LIMD1: variants seen among roughly 807,000 people sequenced by gnomAD.
The protein encoded by LIMD1 is LIM domain containing 1.
A neutral mutation model predicts 58.4 loss-of-function variants in LIMD1; 23 were observed. That is an observed-to-expected ratio of 0.39 (90% CI 0.28 to 0.56). The LOEUF is 0.56. LIMD1 is among the 20% of genes least tolerant of loss of function. LIMD1 has a pLI of 0.57. For missense variants in LIMD1, 838 were observed against 855.5 expected, an observed-to-expected ratio of 0.98 and a Z score of 0.25; for synonymous variants, 334 against 345.5, an observed-to-expected ratio of 0.97 and a Z score of 0.37.
At chr3:45,608,590 A>G (rs1701490341) in intron 1 of LIMD1, among the ~76,000 whole-genome samples, 1 of 152,200 alleles carries the variant, frequency 6.6e-6, no homozygotes, top group Admixed American at 6.5e-5. Context: ...CTATAATCCC[A>G]ACACTTTTGG....
intron 2 of LIMD1, among the ~76,000 whole-genome samples, chr3:45,664,945 C>T (rs945625944): frequency 3.9e-5 from 6 of 152,166 alleles, no homozygotes; most frequent in Admixed American, 6.5e-5. Context: ...TAGGGGATCC[C>T]GGGACACCCT....
intron 1 of LIMD1, among the ~76,000 whole-genome samples, chr3:45,599,650 TAGGTCACCTA>T (rs1320868066): frequency 2.0e-5 from 3 of 152,186 alleles, no homozygotes; most frequent in Non-Finnish European, 2.9e-5. Context: ...GCAATGTGCC[TAGGTCACCTA>T]AGGTCACCTA....
intron 1 of LIMD1, among the ~76,000 whole-genome samples, chr3:45,625,985 A>T (rs1218246544): frequency 1.3e-5 from 2 of 152,218 alleles, no homozygotes; most frequent in African/African-American, 4.8e-5. Flanking sequence ...GGAGACATAC[A>T]CTGCTAACCC....
Position 45,647,076 on chromosome 3 carries a change from A to G in LIMD1, c.1510+10825A>G, listed in dbSNP as rs537999722. Among the ~76,000 whole-genome samples the G allele has an allele frequency of 8.5e-5, 13 of 152,362 alleles. No individual in the cohort carries two copies. The South Asian group carries it at 2.7e-3, about 32-fold the overall frequency. On this transcript the variant is annotated intron_variant, in intron 2 of 7. Coordinates refer to ENST00000273317, the MANE Select transcript of LIMD1 (RefSeq NM_014240.3). ...ATGTAGTCACATTGTCAAAAAATGT[A>G]TATGGGAGAAGAAAATCACCTATAA...
intron 1 of LIMD1, among the ~76,000 whole-genome samples, chr3:45,601,220 G>A (rs1701408587): frequency 6.6e-6 from 1 of 152,214 alleles, no homozygotes; most frequent in Admixed American, 6.5e-5. Flanking sequence ...AATCAGGAGT[G>A]GGTAGAGGAG....
At position 45,672,723 on chromosome 3, in the gene LIMD1, G is replaced by T. The variant is rs770764361; in HGVS notation, c.1675G>T (p.Gly559Cys). The T allele has an allele frequency of 3.7e-6, 6 of 1,613,844 alleles. No individual in the cohort carries two copies. Among genetic ancestry groups the T allele is most frequent in the African/African-American group, 2.7e-5 (2 of 74,870 alleles). ...LQALGKSYHP[G>C]CFRCVICNEC... is the part of the protein sequence containing the mutation. Reference sequence around the variant, plus strand: ...AGCCCTGGGGAAGTCCTACCACCCCGGCTGTTTCCGCTGTGTCATCTGTAA... The same window carrying T: ...AGCCCTGGGGAAGTCCTACCACCCCTGCTGTTTCCGCTGTGTCATCTGTAA... The change falls in exon 5 of 8, where the codon GGC becomes TGC. Residue 559 changes from glycine (G) to cysteine (C), a missense_variant. By Grantham distance (159) the Gly-to-Cys change is radical (BLOSUM62 -3). Coordinates refer to ENST00000273317, the MANE Select transcript of LIMD1 (RefSeq NM_014240.3).
At chr3:45,625,681 C>G (rs555907296) in intron 1 of LIMD1, among the ~76,000 whole-genome samples, 5 of 152,064 alleles carry the variant, frequency 3.3e-5, no homozygotes, top group Non-Finnish European at 1.5e-5. Flanking sequence ...ATATCTGGAG[C>G]GGGTTCCTGG....
intron 2 of LIMD1, among the ~76,000 whole-genome samples, chr3:45,653,011 T>G (rs1701990966): frequency 6.6e-6 from 1 of 152,194 alleles, no homozygotes; most frequent in African/African-American, 2.4e-5. Flanking sequence ...GAGAAAGAGA[T>G]GAGAACGTTT....
At position 45,653,927 on chromosome 3, in the gene LIMD1, GAAAAAGAA is replaced by G. The variant is rs1559523031; in HGVS notation, c.1511-11717_1511-11710del. Among the ~76,000 whole-genome samples, 751 of 106,872 alleles carry G rather than the reference GAAAAAGAA, an allele frequency of 7.0e-3. 6 individuals are homozygous for G. Among genetic ancestry groups the G allele is most frequent in the African/African-American group, 0.024 (713 of 29,140 alleles). The allele number at this position is 106,872 out of a possible 152,430, so 70.1% of individuals were successfully genotyped here. The stretch of plus-strand genomic sequence containing the variant: ...TGTCTCAAAAAAAAAAAAAAAAAAA[GAAAAAGAA>G]AAAAAAAAAAGAACCTATTCTAGAA... On this transcript the variant is annotated intron_variant, in intron 2 of 7. Transcript: ENST00000273317.
intron 1 of LIMD1, among the ~76,000 whole-genome samples, chr3:45,609,135 G>C (rs1476684824): frequency 1.3e-5 from 2 of 152,192 alleles, no homozygotes; most frequent in Non-Finnish European, 2.9e-5. Flanking sequence ...ATTTTCACCA[G>C]ACCTTGATTA....
At chr3:45,608,347 G>A (rs1440278932) in intron 1 of LIMD1, among the ~76,000 whole-genome samples, 1 of 152,184 alleles carries the variant, frequency 6.6e-6, no homozygotes, top group Non-Finnish European at 1.5e-5. Flanking sequence ...AGTGGTTTAG[G>A]GAGAACTTGC....
intron 1 of LIMD1, among the ~76,000 whole-genome samples, chr3:45,623,629 C>A (rs1701645686): frequency 6.6e-6 from 1 of 152,164 alleles, no homozygotes; most frequent in Non-Finnish European, 1.5e-5. Flanking sequence ...GGCACAATGA[C>A]CCTATGGCCC....
chr3:45,611,011 C>A (rs974255096), intron 1 of LIMD1, among the ~76,000 whole-genome samples: 1 of 152,150 alleles, frequency 6.6e-6, no homozygotes, highest in Non-Finnish European at 1.5e-5. Flanking sequence ...AATGTAAAAT[C>A]GCACGTGGCT....
intron 2 of LIMD1, among the ~76,000 whole-genome samples, chr3:45,655,581 C>T (rs1366446059): frequency 2.0e-5 from 3 of 152,166 alleles, no homozygotes; most frequent in East Asian, 1.9e-4. Context: ...TGGACTAGCA[C>T]CATCAGCATC....
chr3:45,595,751 A>C lies in LIMD1; in HGVS notation c.872A>C (p.Gln291Pro). ...ENGAPAVGPV[Q>P]PRTPSVSAPL... ...GGAGCACCAGCTGTGGGGCCTGTTCAGCCCAGGACCCCTTCTGTGTCAGCA... is the reference window on the plus strand; with the variant it reads ...GGAGCACCAGCTGTGGGGCCTGTTCCGCCCAGGACCCCTTCTGTGTCAGCA... The change falls in exon 1 of 8, where the codon CAG (glutamine) becomes CCG (proline). Residue 291 changes from glutamine to proline, a missense_variant. This residue lies in a region of LIMD1 where 659 missense variants were observed against 639.8 expected (regional missense o/e 1.03). Transcript: ENST00000273317. The C allele has an allele frequency of 6.2e-7, 1 of 1,614,078 alleles. No homozygotes were observed. Among genetic ancestry groups the C allele is most frequent in the South Asian group, 1.1e-5 (1 of 91,090 alleles).
chr3:45,667,084 C>T (rs1697530361), intron 3 of LIMD1, among the ~76,000 whole-genome samples: 1 of 152,222 alleles, frequency 6.6e-6, no homozygotes, highest in African/African-American at 2.4e-5. Context: ...AGTCTCAGGT[C>T]CTATGTGATG....
chr3:45,662,999 A>G (rs541853194), intron 2 of LIMD1, among the ~76,000 whole-genome samples: 1 of 152,104 alleles, frequency 6.6e-6, no homozygotes, highest in South Asian at 2.1e-4. Context: ...AAAAAAACAA[A>G]ACAGTACTAG....
intron 2 of LIMD1, among the ~76,000 whole-genome samples, chr3:45,646,435 C>A (rs544576998): frequency 2.4e-4 from 37 of 152,308 alleles, no homozygotes; most frequent in African/African-American, 8.2e-4. Context: ...CAGTGGGCCT[C>A]ACCACCAGCC....
At chr3:45,602,919 G>A (rs1206759332) in intron 1 of LIMD1, among the ~76,000 whole-genome samples, 8 of 151,558 alleles carry the variant, frequency 5.3e-5, no homozygotes, top group East Asian at 1.9e-4. Context: ...GGCTCACTGC[G>A]GCCACCGCCT....
Sources: gnomAD v4.1 joint callset for allele counts (sites outside exome capture counted in the v4.1 genomes callset) on GRCh38, gnomAD v4.1.1 for gene constraint, gnomAD v4.1.1 regional missense constraint, MANE v1.5 for transcripts, NCBI Gene and HGNC (gene_info 2026-07-23, HGNC 2026-07-21) for gene names.